ARHGAP15: variants seen among roughly 807,000 people sequenced by gnomAD.
ARHGAP15 encodes the protein Rho GTPase activating protein 15.
Under a neutral mutation model 63.7 loss-of-function variants are expected in ARHGAP15, and 51 were observed. The observed-to-expected ratio is 0.80, with a 90% CI of 0.64 to 1.01. ARHGAP15 has a LOEUF of 1.01. Ranked by LOEUF, ARHGAP15 falls within the 50% of genes least tolerant of loss-of-function variation. ARHGAP15 has a pLI of 0.00. For synonymous variants in ARHGAP15, 191 were observed against 193.8 expected, an observed-to-expected ratio of 0.99 and a Z score of 0.12; for missense variants, 560 against 564.6, an observed-to-expected ratio of 0.99 and a Z score of 0.08.
chr2:143,684,900 A>T (rs1683260160), intron 12 of ARHGAP15, among the ~76,000 whole-genome samples: 1 of 152,182 alleles, frequency 6.6e-6, no homozygotes, highest in Non-Finnish European at 1.5e-5. Context: ...CCGAAGAGAG[A>T]CCTTTCCAGT....
intron 6 of ARHGAP15, among the ~76,000 whole-genome samples, chr2:143,411,007 C>A (rs184896230): frequency 1.3e-5 from 2 of 152,108 alleles, no homozygotes; most frequent in Admixed American, 6.5e-5. Flanking sequence ...AGTTCACGAA[C>A]CAGCCTGACC....
At chr2:143,711,026 A>G (rs1465861828) in intron 13 of ARHGAP15, among the ~76,000 whole-genome samples, 1 of 152,200 alleles carries the variant, frequency 6.6e-6, no homozygotes, top group African/African-American at 2.4e-5. Flanking sequence ...TGTGGCCCAC[A>G]GGCCACACTC....
At chr2:143,242,884 G>A (rs1693915543) in intron 5 of ARHGAP15, among the ~76,000 whole-genome samples, 1 of 152,156 alleles carries the variant, frequency 6.6e-6, no homozygotes, top group African/African-American at 2.4e-5. Flanking sequence ...AACCAGTTAT[G>A]TGATAAAACT....
chr2:143,541,450 G>A (rs565114830), intron 10 of ARHGAP15, among the ~76,000 whole-genome samples: 50 of 152,270 alleles, frequency 3.3e-4, no homozygotes, highest in East Asian at 2.9e-3. Context: ...GAGGAGAGGA[G>A]CTCTGATTTT....
chr2:143,686,738 C>T (rs1683369471), intron 12 of ARHGAP15, among the ~76,000 whole-genome samples: 1 of 152,172 alleles, frequency 6.6e-6, no homozygotes, highest in African/African-American at 2.4e-5. Flanking sequence ...GAAGACACTT[C>T]TAAGATTAAC....
intron 11 of ARHGAP15, among the ~76,000 whole-genome samples, chr2:143,567,677 G>C (rs912482059): frequency 1.5e-4 from 23 of 152,160 alleles, no homozygotes; most frequent in Non-Finnish European, 2.5e-4. Context: ...CCCAAACTCA[G>C]GTGATACTAA....
At chr2:143,568,691 T>G (rs917861682) in intron 11 of ARHGAP15, among the ~76,000 whole-genome samples, 3 of 152,114 alleles carry the variant, frequency 2.0e-5, no homozygotes, top group Admixed American at 6.5e-5. Flanking sequence ...ATAAATCATG[T>G]TACTATAAAG....
chr2:143,590,412 C>T (rs1697274639), intron 11 of ARHGAP15, among the ~76,000 whole-genome samples: 1 of 152,172 alleles, frequency 6.6e-6, no homozygotes, highest in Non-Finnish European at 1.5e-5. Flanking sequence ...ACCACTATAT[C>T]CTCAAAGACT....
intron 10 of ARHGAP15, among the ~76,000 whole-genome samples, chr2:143,535,658 T>C (rs1023372895): frequency 6.6e-6 from 1 of 152,224 alleles, no homozygotes; most frequent in African/African-American, 2.4e-5. Flanking sequence ...CTATCTCTCA[T>C]GGCACTTCAA....
At chr2:143,450,218 AC>A (rs1690349515) in intron 8 of ARHGAP15, among the ~76,000 whole-genome samples, 1 of 149,754 alleles carries the variant, frequency 6.7e-6, no homozygotes, top group African/African-American at 2.5e-5. Context: ...TTGGCTGAAG[AC>A]CCAAAGAATT....
intron 8 of ARHGAP15, among the ~76,000 whole-genome samples, chr2:143,438,344 ATG>A (rs1491176826): frequency 2.0e-5 from 3 of 151,968 alleles, no homozygotes; most frequent in South Asian, 2.1e-4. Flanking sequence ...TAAGAAATAT[ATG>A]TATATACACA....
intron 4 of ARHGAP15, among the ~76,000 whole-genome samples, chr2:143,225,584 C>T (rs557302236): frequency 6.6e-6 from 1 of 152,044 alleles, no homozygotes; most frequent in African/African-American, 2.4e-5. Flanking sequence ...CCAGCCTGGG[C>T]GACAGAGCGA....
chr2:143,385,483 T>C (rs1028101496), intron 6 of ARHGAP15, among the ~76,000 whole-genome samples: 2 of 152,152 alleles, frequency 1.3e-5, no homozygotes, highest in Admixed American at 6.6e-5. Context: ...GGAAAGCCTT[T>C]TTTTCTGGAC....
chr2:143,284,125 T>G (rs1681983112), intron 6 of ARHGAP15, among the ~76,000 whole-genome samples: 1 of 152,180 alleles, frequency 6.6e-6, no homozygotes, highest in Non-Finnish European at 1.5e-5. Flanking sequence ...GAATATTTAT[T>G]TGGAAATAAA....
chr2:143,206,990 G>A (rs1692354708), intron 3 of ARHGAP15, among the ~76,000 whole-genome samples: 1 of 151,200 alleles, frequency 6.6e-6, no homozygotes, highest in South Asian at 2.1e-4. Context: ...GCCTAAAGGT[G>A]CCCCAAAGTT....
chr2:143,613,097 A>G (rs1216845791), intron 11 of ARHGAP15, among the ~76,000 whole-genome samples: 3 of 152,224 alleles, frequency 2.0e-5, no homozygotes, highest in Non-Finnish European at 2.9e-5. Context: ...CTTTATAGAA[A>G]TCCAGTAAAT....
At chr2:143,333,595 A>G (rs539044275) in intron 6 of ARHGAP15, among the ~76,000 whole-genome samples, 1 of 152,312 alleles carries the variant, frequency 6.6e-6, no homozygotes, top group East Asian at 1.9e-4. Flanking sequence ...AAGTAAATAT[A>G]CTGTAGCTCA....
intron 12 of ARHGAP15, among the ~76,000 whole-genome samples, chr2:143,643,776 A>C (rs1299150226): frequency 6.6e-6 from 1 of 152,142 alleles, no homozygotes; most frequent in African/African-American, 2.4e-5. Flanking sequence ...CAATGATTTA[A>C]TGACATCTCG....
chr2:143,588,878 T>C (rs1342659883), intron 11 of ARHGAP15, among the ~76,000 whole-genome samples: 3 of 152,188 alleles, frequency 2.0e-5, no homozygotes, highest in African/African-American at 7.2e-5. Flanking sequence ...TTTAATAAAT[T>C]TGTTTTCATA....
Sources: allele counts gnomAD v4.1 joint callset (sites outside exome capture counted in the v4.1 genomes callset), GRCh38; gene constraint gnomAD v4.1.1; transcripts MANE v1.5; gene names NCBI Gene and HGNC (gene_info 2026-07-23, HGNC 2026-07-21).